The following HAPSTR1 variants were observed in gnomAD, a reference collection of about 807,000 sequenced individuals.
HAPSTR1 encodes the protein HUWE1-associated protein modifying stress responses 1.
the HAPSTR1 span, chr16:9,119,385 A>T: frequency 6.6e-6 from 1 of 152,246 alleles, no homozygotes. Context: ...GGATTTAAAA[A>T]CTAGACAGTT....
chr16:9,112,636 A>G, the HAPSTR1 span: 2 of 152,244 alleles, frequency 1.3e-5, no homozygotes, highest in African/African-American at 2.4e-5. Flanking sequence ...ACTGAATTAC[A>G]TGTAATTAAT....
At chr16:9,105,944 A>AATACCCCTAC in the HAPSTR1 span, 1 of 152,324 alleles carries the variant, frequency 6.6e-6, no homozygotes, top group South Asian at 2.1e-4. Context: ...CATCAAATAC[A>AATACCCCTAC]GCCCAACCAA....
chr16:9,102,095 G>A, the HAPSTR1 span, among the ~76,000 whole-genome samples: 378 of 152,336 alleles, frequency 2.5e-3, no homozygotes, highest in Middle Eastern at 0.027. Context: ...CTGGGCAACA[G>A]AGAGACTCCG....
chr16:9,095,102 A>G, the HAPSTR1 span, among the ~76,000 whole-genome samples: 3 of 152,246 alleles, frequency 2.0e-5, no homozygotes, highest in African/African-American at 7.2e-5. Flanking sequence ...TAAATGCTAG[A>G]TTGTTAGTCT....
chr16:9,110,161 T>A, the HAPSTR1 span: 31 of 148,378 alleles, frequency 2.1e-4, no homozygotes, highest in Admixed American at 3.3e-4. Flanking sequence ...GGTTCTCCTT[T>A]TTTTTTTTTT....
chr16:9,115,577 A>G, the HAPSTR1 span, among the ~76,000 whole-genome samples: 5 of 152,296 alleles, frequency 3.3e-5, no homozygotes, highest in Non-Finnish European at 7.4e-5. Flanking sequence ...GTTTAAGGAA[A>G]GGAATAAGTA....
the HAPSTR1 span, chr16:9,111,936 C>T: frequency 2.6e-5 from 4 of 151,892 alleles, no homozygotes; most frequent in Non-Finnish European, 5.9e-5. Context: ...TTCATTTTAA[C>T]GTCGTGAGCA....
the HAPSTR1 span, among the ~76,000 whole-genome samples, chr16:9,095,791 C>T: frequency 6.6e-6 from 1 of 152,036 alleles, no homozygotes; most frequent in Non-Finnish European, 1.5e-5. Context: ...GGACAGAATT[C>T]AATAAAATGG....
the HAPSTR1 span, among the ~76,000 whole-genome samples, chr16:9,099,975 T>G: frequency 1.3e-5 from 2 of 152,204 alleles, no homozygotes; most frequent in Admixed American, 6.5e-5. Context: ...TGAGGTTGGG[T>G]TTGAGTGGTA....
chr16:9,115,322 T>A, the HAPSTR1 span, among the ~76,000 whole-genome samples: 1 of 152,226 alleles, frequency 6.6e-6, no homozygotes, highest in Non-Finnish European at 1.5e-5. Flanking sequence ...CCTCTAAGCT[T>A]ACTTGAAAAT....
At chr16:9,099,899 A>AT in the HAPSTR1 span, among the ~76,000 whole-genome samples, 5 of 152,370 alleles carry the variant, frequency 3.3e-5, no homozygotes, top group South Asian at 6.2e-4. Context: ...TCAGGTAACT[A>AT]TTTAAAAAGG....
chr16:9,093,764 C>T, the HAPSTR1 span, among the ~76,000 whole-genome samples: 3 of 152,038 alleles, frequency 2.0e-5, no homozygotes, highest in African/African-American at 7.2e-5. Context: ...AACGTTCTTG[C>T]CCATTTGTGC....
the HAPSTR1 span, chr16:9,108,065 A>G: frequency 6.6e-6 from 1 of 152,140 alleles, no homozygotes; most frequent in African/African-American, 2.4e-5. Context: ...CTAGGGTGCT[A>G]CATGGTAATC....
the HAPSTR1 span, chr16:9,121,589 C>G: frequency 1.3e-5 from 2 of 152,058 alleles, no homozygotes; most frequent in Non-Finnish European, 2.9e-5. Flanking sequence ...GTTTTCTCAT[C>G]TGTGAAATAA....
the HAPSTR1 span, among the ~76,000 whole-genome samples, chr16:9,094,136 A>T: frequency 6.6e-6 from 1 of 152,200 alleles, no homozygotes; most frequent in African/African-American, 2.4e-5. Flanking sequence ...TTTCTTGAGT[A>T]GACTACAGTT....
At chr16:9,107,654 G>T in the HAPSTR1 span, 2 of 152,238 alleles carry the variant, frequency 1.3e-5, no homozygotes, top group African/African-American at 4.8e-5. Context: ...CATTGGTTAG[G>T]TATCCTACCC....
chr16:9,097,463 C>G, the HAPSTR1 span, among the ~76,000 whole-genome samples: 4 of 152,102 alleles, frequency 2.6e-5, no homozygotes, highest in African/African-American at 4.8e-5. Flanking sequence ...GGCTGGTCTC[C>G]TGAGCTCAGG....
the HAPSTR1 span, chr16:9,092,083 G>A: frequency 6.5e-7 from 1 of 1,540,540 alleles, no homozygotes; most frequent in Non-Finnish European, 8.8e-7. Context: ...CCGAGATCCA[G>A]GAGCACGGGC....
At chr16:9,096,418 T>C in the HAPSTR1 span, among the ~76,000 whole-genome samples, 669 of 152,320 alleles carry the variant, frequency 4.4e-3, 7 homozygotes, top group African/African-American at 0.015. Flanking sequence ...TTGGAGTAAA[T>C]GTAAGTAGAA....
Sources: allele counts gnomAD v4.1 joint callset (sites outside exome capture counted in the v4.1 genomes callset), GRCh38; gene constraint gnomAD v4.1.1; transcripts MANE v1.5; gene names NCBI Gene and HGNC (gene_info 2026-07-23, HGNC 2026-07-21).